The following GRB14 variants were observed in gnomAD, a reference collection of about 807,000 sequenced individuals.
GRB14 encodes growth factor receptor-bound protein 14.
GRB14 carries 38 observed loss-of-function variants against 69.1 expected under a neutral mutation model. The observed-to-expected ratio is 0.55, with a 90% confidence interval of 0.42 to 0.72. The LOEUF (loss-of-function observed/expected upper bound fraction) is 0.72. Ranked by LOEUF, GRB14 falls within the 30% of genes least tolerant of loss-of-function variation. The pLI is 0.00. For missense variants in GRB14, 666 were observed against 666.1 expected, an observed-to-expected ratio of 1.00 and a Z score of 0.00; for synonymous variants, 247 against 241.3, an observed-to-expected ratio of 1.02 and a Z score of -0.22.
chr2:164,612,119 T>G (rs867996793), intron 2 of GRB14, among the ~76,000 whole-genome samples: 4 of 152,184 alleles, frequency 2.6e-5, no homozygotes, highest in African/African-American at 9.7e-5. Flanking sequence ...AGTCACATCA[T>G]ATTGACACAT....
intron 2 of GRB14, among the ~76,000 whole-genome samples, chr2:164,559,982 A>G (rs967169541): frequency 6.6e-6 from 1 of 152,222 alleles, no homozygotes; most frequent in Middle Eastern, 3.2e-3. Flanking sequence ...GTTTAGAATC[A>G]TAAAATACTA....
chr2:164,573,074 AT>A (rs1429150478), intron 2 of GRB14, among the ~76,000 whole-genome samples: 2 of 151,936 alleles, frequency 1.3e-5, no homozygotes, highest in African/African-American at 4.8e-5. Context: ...CTGTTTTGTA[AT>A]TTTTTTTAGG....
At chr2:164,496,791 A>ATT (rs1686910619) in intron 12 of GRB14, among the ~76,000 whole-genome samples, 1 of 152,148 alleles carries the variant, frequency 6.6e-6, no homozygotes, top group African/African-American at 2.4e-5. Flanking sequence ...CTATTCCGTT[A>ATT]TTTGTCCATT....
chr2:164,547,297 C>CT (rs1346339170), intron 3 of GRB14, among the ~76,000 whole-genome samples: 3 of 152,130 alleles, frequency 2.0e-5, no homozygotes, highest in Admixed American at 6.5e-5. Flanking sequence ...AATTCAGTGA[C>CT]TGCCAGGATG....
chr2:164,608,583 G>GAA (rs34940251), intron 2 of GRB14, among the ~76,000 whole-genome samples: 1 of 130,184 alleles, frequency 7.7e-6, no homozygotes, highest in Non-Finnish European at 1.6e-5. Flanking sequence ...TGGACAAATG[G>GAA]AAAAAAAGAA....
intron 3 of GRB14, among the ~76,000 whole-genome samples, chr2:164,531,014 T>C (rs1687920442): frequency 6.6e-6 from 1 of 152,166 alleles, no homozygotes; most frequent in Non-Finnish European, 1.5e-5. Context: ...TTAAAAAAAA[T>C]ACACAGAATC....
chr2:164,530,924 A>G (rs1426205421), intron 3 of GRB14, among the ~76,000 whole-genome samples: 1 of 152,202 alleles, frequency 6.6e-6, no homozygotes, highest in African/African-American at 2.4e-5. Context: ...CTGAAAGCAC[A>G]AAGACCATTT....
chr2:164,507,755 G>A (rs1165230077), intron 8 of GRB14, among the ~76,000 whole-genome samples: 1 of 113,786 alleles, frequency 8.8e-6, no homozygotes, highest in African/African-American at 4.4e-5. Context: ...AAAGGAAATA[G>A]TTGATAAGTA....
At chr2:164,577,163 T>C (rs144514353) in intron 2 of GRB14, among the ~76,000 whole-genome samples, 91 of 152,320 alleles carry the variant, frequency 6.0e-4, no homozygotes, top group African/African-American at 2.1e-3. Flanking sequence ...CGGTTTGATT[T>C]ACAAAAAAAT....
At chr2:164,510,880 C>T (rs1397952940) in intron 6 of GRB14, among the ~76,000 whole-genome samples, 1 of 152,212 alleles carries the variant, frequency 6.6e-6, no homozygotes, top group Admixed American at 6.5e-5. Flanking sequence ...GTAGGAAAGA[C>T]AGTCTTACAT....
At chr2:164,549,010 T>C (rs1688457911) in intron 2 of GRB14, among the ~76,000 whole-genome samples, 1 of 152,130 alleles carries the variant, frequency 6.6e-6, no homozygotes, top group Non-Finnish European at 1.5e-5. Flanking sequence ...CCTGAGTAGC[T>C]GGGATTACAG....
chr2:164,585,036 G>A (rs914868836), intron 2 of GRB14, among the ~76,000 whole-genome samples: 6 of 136,010 alleles, frequency 4.4e-5, no homozygotes, highest in Non-Finnish European at 7.7e-5. Flanking sequence ...TCCTCCTTTT[G>A]GGTTCAAGTG....
At chr2:164,582,177 A>G (rs1689423391) in intron 2 of GRB14, among the ~76,000 whole-genome samples, 1 of 152,142 alleles carries the variant, frequency 6.6e-6, no homozygotes, top group African/African-American at 2.4e-5. Flanking sequence ...GTCTAAGCCA[A>G]ACTGATGGTG....
At chr2:164,615,799 C>T (rs966433742) in intron 2 of GRB14, among the ~76,000 whole-genome samples, 2 of 152,088 alleles carry the variant, frequency 1.3e-5, no homozygotes, top group African/African-American at 4.8e-5. Context: ...ACTACACAGG[C>T]TATGTCCAAG....
intron 2 of GRB14, among the ~76,000 whole-genome samples, chr2:164,557,460 T>C (rs1236878485): frequency 6.6e-6 from 1 of 152,232 alleles, no homozygotes; most frequent in Non-Finnish European, 1.5e-5. Flanking sequence ...ATGACAGTTT[T>C]ACATGAATAT....
intron 6 of GRB14, 22 bp from the exon 7 acceptor site, chr2:164,508,874 A>C: frequency 6.9e-7 from 1 of 1,458,660 alleles, no homozygotes; most frequent in South Asian, 1.3e-5. Flanking sequence ...AAGTATTGAC[A>C]TGGATACATA....
intron 2 of GRB14, among the ~76,000 whole-genome samples, chr2:164,598,117 G>A (rs1363362088): frequency 2.0e-5 from 3 of 152,078 alleles, no homozygotes; most frequent in African/African-American, 4.8e-5. Flanking sequence ...CTGGTCCTGA[G>A]AGCAAGATAT....
intron 2 of GRB14, among the ~76,000 whole-genome samples, chr2:164,608,354 G>A (rs981138680): frequency 6.6e-6 from 1 of 151,738 alleles, no homozygotes; most frequent in Non-Finnish European, 1.5e-5. Context: ...CTGGGCAAAA[G>A]AGCGAGACTC....
intron 6 of GRB14, among the ~76,000 whole-genome samples, chr2:164,515,803 G>GA (rs55851742): frequency 0.67 from 92,647 of 137,748 alleles, 31,353 homozygotes; most frequent in Non-Finnish European, 0.75. Flanking sequence ...AACTTAGTGA[G>GA]AAAAAAAAAA....
Sources: allele counts gnomAD v4.1 joint callset (sites outside exome capture counted in the v4.1 genomes callset), GRCh38; gene constraint gnomAD v4.1.1; transcripts MANE v1.5; gene names NCBI Gene and HGNC (gene_info 2026-07-23, HGNC 2026-07-21).